Variants in ACOXL observed in about 807,000 individuals in gnomAD.
ACOXL encodes acyl-coenzyme A oxidase-like protein.
A neutral mutation model predicts 71.9 loss-of-function variants in ACOXL; 70 were observed. That is an observed-to-expected ratio of 0.97 (90% CI 0.80 to 1.19). ACOXL has a LOEUF of 1.19. Ranked by LOEUF, ACOXL falls within the 50% of genes most tolerant of loss-of-function variation. The probability of loss-of-function intolerance (pLI) is 0.00; values close to 1 mark genes in which losing one functional copy is unlikely to be tolerated. For missense variants in ACOXL, 703 were observed against 736.3 expected, an observed-to-expected ratio of 0.95 and a Z score of 0.52; for synonymous variants, 253 against 281.6, an observed-to-expected ratio of 0.90 and a Z score of 1.02.
intron 10 of ACOXL, among the ~76,000 whole-genome samples, chr2:110,885,267 CT>C (rs1358993703): frequency 6.6e-6 from 1 of 152,154 alleles, no homozygotes; most frequent in African/African-American, 2.4e-5. Flanking sequence ...AAATTGTCCT[CT>C]GAGGAGAACC....
chr2:110,995,886 C>T lies in ACOXL; in HGVS notation c.1170-7C>T. 1 of 1,609,688 alleles carries T rather than the reference C, an allele frequency of 6.2e-7. No homozygotes were observed. The highest frequency in any genetic ancestry group is 8.5e-7 in the Non-Finnish European group (1 of 1,176,134). ...TAATAATGATGGTCACCGTGATTTT[C>T]TTTCAGTTTCCTGGCATTTAACATG... On this transcript the variant is annotated splice_polypyrimidine_tract_variant and splice_region_variant and intron_variant, in intron 13 of 17. Transcript: ENST00000439055.
chr2:110,739,918 A>G (rs1191572028), intron 1 of ACOXL, among the ~76,000 whole-genome samples: 1 of 152,226 alleles, frequency 6.6e-6, no homozygotes, highest in Non-Finnish European at 1.5e-5. Context: ...ACGTGGTTTT[A>G]TGCCATAAAT....
chr2:111,049,629 A>G (rs906997281), intron 16 of ACOXL, among the ~76,000 whole-genome samples: 1 of 152,184 alleles, frequency 6.6e-6, no homozygotes. Flanking sequence ...ATCTCCCACT[A>G]TATTTTTAAT....
chr2:111,071,256 T>C (rs1381365414), intron 16 of ACOXL, among the ~76,000 whole-genome samples: 3 of 152,158 alleles, frequency 2.0e-5, no homozygotes, highest in African/African-American at 7.2e-5. Flanking sequence ...CCCACTAAGA[T>C]GAACATCCCC....
At chr2:110,836,912 C>G (rs114599652) in intron 9 of ACOXL, among the ~76,000 whole-genome samples, 304 of 152,344 alleles carry the variant, frequency 2.0e-3, no homozygotes, top group African/African-American at 5.9e-3. Context: ...GGCGGGCGGC[C>G]TCCTCGCCAA....
rs1216881349 is a variant in ACOXL, at chr2:111,117,870, C to T, written c.*54C>T. On this transcript the variant is annotated 3_prime_UTR_variant, in exon 18 of 18. Transcript: ENST00000439055. ...CCAGCAGCTGCCACGACGCTCGCTC[C>T]ACCGACGCCCAGAGCTGTGGCCGAG... The T allele has an allele frequency of 6.6e-7, 1 of 1,516,274 alleles. No homozygotes were observed. The highest frequency in any genetic ancestry group is 8.8e-7 in the Non-Finnish European group (1 of 1,132,250). 93.9% of individuals were successfully genotyped at this position (1,516,274 alleles called of 1,614,324 possible). A position where few individuals can be genotyped will look rare whatever the true frequency, so the allele number is the denominator to read the frequency against.
At chr2:111,074,496 G>A (rs1277878277) in intron 16 of ACOXL, among the ~76,000 whole-genome samples, 8 of 151,936 alleles carry the variant, frequency 5.3e-5, no homozygotes, top group Non-Finnish European at 7.4e-5. Context: ...TTTAAATCAG[G>A]AATTAATGTT....
chr2:110,755,059 A>G (rs1679487877), intron 1 of ACOXL, among the ~76,000 whole-genome samples: 1 of 152,054 alleles, frequency 6.6e-6, no homozygotes, highest in African/African-American at 2.4e-5. Flanking sequence ...TTTAGCTTAG[A>G]GGTTTGCAGG....
At chr2:110,831,624 TAAAC>T (rs892893791) in intron 9 of ACOXL, among the ~76,000 whole-genome samples, 2 of 152,094 alleles carry the variant, frequency 1.3e-5, no homozygotes, top group African/African-American at 4.8e-5. Context: ...AAAGAATAGA[TAAAC>T]AATTCTGAAA....
At chr2:110,958,257 A>G (rs1160462125) in intron 12 of ACOXL, among the ~76,000 whole-genome samples, 2 of 152,204 alleles carry the variant, frequency 1.3e-5, no homozygotes, top group Non-Finnish European at 2.9e-5. Flanking sequence ...AGGTCTTGCA[A>G]TGAAGCGATT....
At chr2:110,777,738 G>A (rs1241822210) in intron 2 of ACOXL, among the ~76,000 whole-genome samples, 5 of 152,182 alleles carry the variant, frequency 3.3e-5, no homozygotes, top group Non-Finnish European at 7.4e-5. Context: ...TGGGTGAGCC[G>A]GGGTTGACAC....
intron 16 of ACOXL, among the ~76,000 whole-genome samples, chr2:111,056,354 C>T (rs1230176204): frequency 6.6e-6 from 1 of 152,144 alleles, no homozygotes; most frequent in East Asian, 1.9e-4. Flanking sequence ...CCTGCAAGTG[C>T]CAAGCCTATG....
chr2:110,846,403 T>G (rs961376516), intron 10 of ACOXL, among the ~76,000 whole-genome samples: 1 of 152,116 alleles, frequency 6.6e-6, no homozygotes, highest in African/African-American at 2.4e-5. Context: ...ACTAAAATCC[T>G]GTACCCTTGG....
intron 10 of ACOXL, among the ~76,000 whole-genome samples, chr2:110,849,724 C>G (rs1272455170): frequency 6.6e-6 from 1 of 151,946 alleles, no homozygotes; most frequent in East Asian, 1.9e-4. Context: ...CACTACTGCA[C>G]TCCAGACTGG....
chr2:111,063,121 A>G (rs747502360), intron 16 of ACOXL, among the ~76,000 whole-genome samples: 1 of 152,174 alleles, frequency 6.6e-6, no homozygotes, highest in Non-Finnish European at 1.5e-5. Flanking sequence ...CCTTATAACT[A>G]TTGAGTAAAT....
At chr2:110,857,267 C>T (rs2148961139) in intron 10 of ACOXL, among the ~76,000 whole-genome samples, 1 of 152,254 alleles carries the variant, frequency 6.6e-6, no homozygotes. Context: ...AAAGGGGGAC[C>T]CGTGTTTTCC....
chr2:110,841,441 T>C, intron 10 of ACOXL, 36 bp downstream of exon 10: 1 of 1,568,644 alleles, frequency 6.4e-7, no homozygotes, highest in Non-Finnish European at 8.7e-7. Flanking sequence ...TTAAGAATTA[T>C]CCTTACCAGT....
intron 12 of ACOXL, among the ~76,000 whole-genome samples, chr2:110,942,518 C>T (rs2060902815): frequency 6.6e-6 from 1 of 152,082 alleles, no homozygotes. Flanking sequence ...GAGGATATTA[C>T]AATTCTAAAC....
intron 16 of ACOXL, among the ~76,000 whole-genome samples, chr2:111,056,313 G>T (rs556422836): frequency 6.6e-6 from 1 of 152,098 alleles, no homozygotes; most frequent in African/African-American, 2.4e-5. Flanking sequence ...TGAAGCCCGG[G>T]ATACTTCACT....
Sources: gnomAD v4.1 joint callset for allele counts (sites outside exome capture counted in the v4.1 genomes callset) on GRCh38, gnomAD v4.1.1 for gene constraint, MANE v1.5 for transcripts, NCBI Gene and HGNC (gene_info 2026-07-23, HGNC 2026-07-21) for gene names.